SPTA1: variants seen among roughly 807,000 people sequenced by gnomAD.
SPTA1 encodes the protein spectrin alpha, erythrocytic 1, also known as spectrin alpha chain, erythrocytic 1.
SPTA1 carries 177 observed loss-of-function variants against 324.7 expected under a neutral mutation model. The observed-to-expected ratio is 0.55, with a 90% CI of 0.48 to 0.62. The LOEUF is 0.62. Among genes scored for constraint, SPTA1 ranks in the 20% least tolerant of loss-of-function variants. The probability of loss-of-function intolerance (pLI) is 0.00; values close to 1 mark genes in which losing one functional copy is unlikely to be tolerated. For missense variants in SPTA1, 3,162 were observed against 2,883.6 expected (o/e 1.10, Z -2.21); for synonymous variants, 1,195 against 1,041.3 (o/e 1.15, Z -2.84).
At position 158,610,935 on chromosome 1, in the gene SPTA1, T is replaced by G; in HGVS notation, c.*329A>C. 1 of 242,336 alleles carries G rather than the reference T, an allele frequency of 4.1e-6. No individual in the cohort carries two copies. Among genetic ancestry groups the G allele is most frequent in the Non-Finnish European group, 8.2e-6 (1 of 121,892 alleles). The allele number at this position is 242,336 out of a possible 1,614,324, so 15.0% of individuals were successfully genotyped here. The stretch of plus-strand genomic sequence containing the variant: ...AATATTTTTAAAAAGAATTACTTTA[T>G]TCTATAATCGGAATAAAGCAAAATG... On this transcript the variant is annotated 3_prime_UTR_variant, in exon 52 of 52. Coordinates refer to ENST00000643759, the MANE Select transcript of SPTA1 (RefSeq NM_003126.4).
At chr1:158,621,755 A>G (rs1220467156) in intron 43 of SPTA1, among the ~76,000 whole-genome samples, 1 of 152,132 alleles carries the variant, frequency 6.6e-6, no homozygotes, top group Non-Finnish European at 1.5e-5. Flanking sequence ...TTTGACTTTT[A>G]CTCATGTGTT....
Position 158,644,316 on chromosome 1 carries a change from G to T in SPTA1, c.4275C>A (p.Ser1425=), listed in dbSNP as rs1651834388. 6.2e-7 allele frequency: 1 copy of T among 1,613,812 alleles called. No homozygotes were observed. The highest frequency in any genetic ancestry group is 1.3e-5 in the African/African-American group (1 of 74,898). Residue 1425 remains serine (S), a synonymous_variant, in exon 30 of 52, where the codon TCC becomes TCA. Transcript: ENST00000643759. ...TCATCAAAGCCTCCAGACTGTCTAA[G>T]GAACTTTTGTCATCTGACCTCAGGG... is the stretch of plus-strand genomic sequence containing the variant. ...ENSLRSDDKS[S]LDSLEALMKK...
At chr1:158,671,566 A>G (rs1654030896) in intron 11 of SPTA1, 113 bp from the exon 12 acceptor site, 2 of 801,844 alleles carry the variant, frequency 2.5e-6, no homozygotes, top group Admixed American at 2.0e-5. Context: ...GGGAATTAGC[A>G]CACATTATGA....
At chr1:158,654,473 C>G in intron 21 of SPTA1, 138 bp downstream of exon 21, 1 of 1,210,168 alleles carries the variant, frequency 8.3e-7, no homozygotes, top group Non-Finnish European at 1.1e-6. Flanking sequence ...AAAAATACTA[C>G]CTAATCAGTT....
chr1:158,679,574 C>A (rs1041687017), intron 5 of SPTA1, among the ~76,000 whole-genome samples: 4 of 152,086 alleles, frequency 2.6e-5, no homozygotes, highest in African/African-American at 9.7e-5. Flanking sequence ...TCTCCTCAAT[C>A]CTCCCAAATC....
chr1:158,672,306 C>A, intron 10 of SPTA1, 110 bp from the exon 11 acceptor site: 1 of 1,201,318 alleles, frequency 8.3e-7, no homozygotes, highest in Non-Finnish European at 1.2e-6. Context: ...AAATAAACAG[C>A]AAATGGGCTT....
chr1:158,668,062 C>T lies in SPTA1; in HGVS notation c.1834G>A (p.Asp612Asn). The T allele has an allele frequency of 1.3e-6, 2 of 1,582,198 alleles. No homozygotes were observed. The highest frequency in any genetic ancestry group is 1.7e-6 in the Non-Finnish European group (2 of 1,170,806). ...ACCCTGCTCTTCAAGTTCTGTATGT[C>T]CTGAGATAAGATGAAAAAAAAAAAA... Reference protein sequence around the residue: ...KKLADDEDYKDIQNLKSRVQK... With the variant: ...KKLADDEDYKNIQNLKSRVQK... Residue 612 changes from aspartate (D) to asparagine (N), a missense_variant and splice_region_variant, in exon 15 of 52, where the codon GAC (aspartate) becomes AAC (asparagine). By Grantham distance (23) the Asp-to-Asn change is conservative (BLOSUM62 1). Transcript: ENST00000643759.
intron 27 of SPTA1, among the ~76,000 whole-genome samples, chr1:158,647,031 C>T (rs1213937268): frequency 2.0e-5 from 3 of 151,976 alleles, no homozygotes; most frequent in Non-Finnish European, 4.4e-5. Context: ...CAAACATGTT[C>T]TTATGCTTAT....
chr1:158,677,649 T>C (rs772187610), intron 7 of SPTA1, 41 bp downstream of exon 7: 1 of 1,610,748 alleles, frequency 6.2e-7, no homozygotes, highest in Admixed American at 1.7e-5. Context: ...AATTGCCTCT[T>C]CTAGCTCAAC....
At chr1:158,651,143 T>C (rs1652397587) in intron 24 of SPTA1, among the ~76,000 whole-genome samples, 2 of 152,218 alleles carry the variant, frequency 1.3e-5, no homozygotes, top group African/African-American at 4.8e-5. Flanking sequence ...ACACTCAATA[T>C]ATGTTAACAA....
chr1:158,666,253 A>G, intron 16 of SPTA1, 63 bp downstream of exon 16: 1 of 1,553,946 alleles, frequency 6.4e-7, no homozygotes, highest in Non-Finnish European at 8.9e-7. Flanking sequence ...ATTACTTAAT[A>G]ACGAGTGTGC....
chr1:158,659,592 A>ATTTTT (rs1266984762), intron 18 of SPTA1, among the ~76,000 whole-genome samples: 1 of 92,688 alleles, frequency 1.1e-5, no homozygotes. Flanking sequence ...TAGTCTTAGC[A>ATTTTT]TTATTTTTTT....
rs938373230 is a variant in SPTA1 at position 158,615,594 on chromosome 1, G to T, written c.6601-191C>A. Among the ~76,000 whole-genome samples the T allele has an allele frequency of 1.2e-4, 18 of 152,122 alleles. 1 individual carries two copies. Among genetic ancestry groups the T allele is most frequent in the Non-Finnish European group, 1.5e-5 (1 of 68,002 alleles). On this transcript the variant is annotated intron_variant, in intron 47 of 51. Coordinates refer to ENST00000643759, the MANE Select transcript of SPTA1 (RefSeq NM_003126.4). ...TTATAAAATAATGGGAAGTTTAGGT[G>T]AATAAAACTTGTCATTCTGGTATTC...
chr1:158,640,067 T>A, intron 33 of SPTA1, 60 bp from the exon 34 acceptor site: 1 of 1,612,266 alleles, frequency 6.2e-7, no homozygotes, highest in East Asian at 2.2e-5. Flanking sequence ...CTGTGACTAC[T>A]TGAGAGAATA....
chr1:158,654,478 T>C, intron 21 of SPTA1, 133 bp downstream of exon 21: 1 of 1,247,184 alleles, frequency 8.0e-7, no homozygotes, highest in Non-Finnish European at 1.1e-6. Flanking sequence ...TACTACCTAA[T>C]CAGTTATAGT....
chr1:158,612,920 A>G lies in SPTA1; in HGVS notation c.7031T>C (p.Ile2344Thr). 1.2e-6 allele frequency: 2 copies of G among 1,613,958 alleles called. No homozygotes were observed. Among genetic ancestry groups the G allele is most frequent in the Non-Finnish European group, 1.7e-6 (2 of 1,179,900 alleles). ...CTTGATGTTTTCTGACTCCTTGTCA[A>G]TCAGGAAAGCAGTATAGTCCTCCAG... ...VSLEDYTAFL[I>T]DKESENIKSS... Residue 2344 changes from isoleucine to threonine, a missense_variant, in exon 51 of 52, where the codon ATT (isoleucine) becomes ACT (threonine). By Grantham distance (89) the Ile-to-Thr change is moderately conservative. Transcript: ENST00000643759.
chr1:158,671,167 T>C (rs1653995602), intron 12 of SPTA1, among the ~76,000 whole-genome samples, 176 bp downstream of exon 12: 1 of 152,014 alleles, frequency 6.6e-6, no homozygotes, highest in Non-Finnish European at 1.5e-5. Context: ...AATTAAAGAG[T>C]TTGAAAAACA....
chr1:158,622,867 C>T lies in SPTA1; in HGVS notation c.6120+116G>A, dbSNP rs1325875237. The T allele has an allele frequency of 8.2e-6, 8 of 979,710 alleles. No individual in the cohort carries two copies. The African/African-American group carries it at 1.1e-4, about 14-fold the overall frequency. The allele number at this position is 979,710 out of a possible 1,614,324, so 60.7% of individuals were successfully genotyped here. On this transcript the variant is annotated intron_variant, in intron 43 of 51. Coordinates refer to ENST00000643759, the MANE Select transcript of SPTA1 (RefSeq NM_003126.4). ...GTAAGAATGTCTTCCCAACATCTTT[C>T]AATGCAATAAAAGGTTTTTGTATTA...
rs202243588 is a variant in SPTA1, at chr1:158,669,553, C to T, written c.1688G>A (p.Arg563Gln). The change falls in exon 14 of 52, where the codon CGG becomes CAG. Residue 563 changes from arginine to glutamine, a missense_variant. Coordinates refer to ENST00000643759, the MANE Select transcript of SPTA1 (RefSeq NM_003126.4). Reference sequence around the variant, plus strand: ...AGCCTTTTCACGTAGGGCATCCCGCCGGGCTAACAGCTGCAAAAACCATGA... The same window carrying T: ...AGCCTTTTCACGTAGGGCATCCCGCTGGGCTAACAGCTGCAAAAACCATGA... Reference protein sequence around the residue: ...IKAIRDGLLARRDALREKAAT... With the variant: ...IKAIRDGLLAQRDALREKAAT... 1,225 of 1,614,086 alleles carry T rather than the reference C, an allele frequency of 7.6e-4. 16 individuals carry two copies. Among genetic ancestry groups the T allele is most frequent in the South Asian group, 7.1e-3 (645 of 91,086 alleles).
Sources: gnomAD v4.1 joint callset for allele counts (sites outside exome capture counted in the v4.1 genomes callset) on GRCh38, gnomAD v4.1.1 for gene constraint, MANE v1.5 for transcripts, NCBI Gene and HGNC (gene_info 2026-07-23, HGNC 2026-07-21) for gene names.